Variants in SMAD2 observed in about 807,000 individuals in gnomAD.
SMAD2 encodes SMAD family member 2.
A neutral mutation model predicts 64.4 loss-of-function variants in SMAD2; 8 were observed. That is an observed-to-expected ratio of 0.12 (90% confidence interval 0.07 to 0.22). The LOEUF is 0.22. Among genes scored for constraint, SMAD2 ranks in the 10% least tolerant of loss-of-function variants. The pLI, the probability that SMAD2 is intolerant of heterozygous loss-of-function variation, is 1.00. For missense variants in SMAD2, 289 were observed against 561.2 expected, an observed-to-expected ratio of 0.51 and a Z score of 4.90; for synonymous variants, 203 against 195.8, an observed-to-expected ratio of 1.04 and a Z score of -0.31.
intron 2 of SMAD2, among the ~76,000 whole-genome samples, chr18:47,873,970 G>A (rs2032104558): frequency 1.3e-5 from 2 of 150,908 alleles, no homozygotes; most frequent in South Asian, 2.1e-4. Context: ...AAAGAAAGAG[G>A]CACAAGGGAA....
chr18:47,826,439 G>C lies in SMAD2; in HGVS notation c.*15388C>G, dbSNP rs1912759194. ...GCTTGTTTCTGGTGAATGCTAGTTA[G>C]CATGAAGCATGCAGACATGAAAGGG... is the stretch of plus-strand genomic sequence containing the variant. On this transcript the variant is annotated 3_prime_UTR_variant, in exon 11 of 11. Transcript: ENST00000262160. 6.6e-6 allele frequency: 1 copy of C among 152,216 alleles called. No individual in the cohort carries two copies. The highest frequency in any genetic ancestry group is 1.5e-5 in the Non-Finnish European group (1 of 68,044). The allele number at this position is 152,216 out of a possible 1,614,324, so 9.4% of individuals were successfully genotyped here.
At position 47,848,679 on chromosome 18, in the gene SMAD2, G is replaced by C. The variant is rs2144301071; in HGVS notation, c.793C>G (p.Pro265Ala). 1 of 1,608,786 alleles carries C rather than the reference G, an allele frequency of 6.2e-7. No homozygotes were observed. Among genetic ancestry groups the C allele is most frequent in the African/African-American group, 1.3e-5 (1 of 74,764 alleles). Residue 265 changes from proline to alanine, a missense_variant, in exon 8 of 11, where the codon CCA becomes GCA. By Grantham distance (27) the Pro-to-Ala change is conservative. Transcript: ENST00000262160. Reference protein sequence around the residue: ...SPVNHSLDLQPVTYSEPAFWC... With the variant: ...SPVNHSLDLQAVTYSEPAFWC... ...AATGCAGGTTCTGAGTAAGTAACTG[G>C]CTGTAAATCTGAAAAAGAAAAAAAT... is the stretch of plus-strand genomic sequence containing the variant.
chr18:47,882,302 C>A (rs893742565), intron 2 of SMAD2: 6 of 152,272 alleles, frequency 3.9e-5, no homozygotes, highest in African/African-American at 1.5e-4. Context: ...CTCGAGTGAT[C>A]CTCCTGCCTC....
At chr18:47,877,224 A>G (rs2032318267) in intron 2 of SMAD2, among the ~76,000 whole-genome samples, 1 of 151,718 alleles carries the variant, frequency 6.6e-6, no homozygotes, top group Admixed American at 6.6e-5. Context: ...TGGTAAGATT[A>G]AAAGCATGCT....
chr18:47,888,934 A>C (rs960810302), intron 2 of SMAD2, among the ~76,000 whole-genome samples: 1 of 152,176 alleles, frequency 6.6e-6, no homozygotes, highest in Non-Finnish European at 1.5e-5. Context: ...GGAAATAGAC[A>C]AAATGGAGAA....
At chr18:47,851,546 C>T (rs2030081574) in intron 6 of SMAD2, among the ~76,000 whole-genome samples, 1 of 152,046 alleles carries the variant, frequency 6.6e-6, no homozygotes, top group African/African-American at 2.4e-5. Flanking sequence ...ACAGTTTTGG[C>T]TTCTAGCCCA....
Position 47,832,498 on chromosome 18 carries a change from CTTTT to C in SMAD2, c.*9325_*9328del, listed in dbSNP as rs1913035630. 6.6e-6 allele frequency: 1 copy of C among 152,132 alleles called. No homozygotes were observed. Among genetic ancestry groups the C allele is most frequent in the African/African-American group, 2.4e-5 (1 of 41,422 alleles). 9.4% of individuals were successfully genotyped at this position (152,132 alleles called of 1,614,324 possible). A position where few individuals can be genotyped will look rare whatever the true frequency, so the allele number is the denominator to read the frequency against. The stretch of plus-strand genomic sequence containing the variant: ...TAGTGTATTTTAGCATTTGAGGTCC[CTTTT>C]TGTTGCATACTAAAGCATGTTTAAA... On this transcript the variant is annotated 3_prime_UTR_variant, in exon 11 of 11. Coordinates refer to ENST00000262160, the MANE Select transcript of SMAD2 (RefSeq NM_005901.6).
chr18:47,816,924 T>C lies in SMAD2; in HGVS notation c.*24903A>G, dbSNP rs893182878. On this transcript the variant is annotated 3_prime_UTR_variant, in exon 11 of 11. Transcript: ENST00000262160. ...TCATAGGCACCCACCAATACACCCA[T>C]CTAATTTTTTGTATTTTTAGTAGAG... 6.6e-6 allele frequency: 1 copy of C among 151,956 alleles called. No individual in the cohort carries two copies. The highest frequency in any genetic ancestry group is 1.5e-5 in the Non-Finnish European group (1 of 67,988). 9.4% of individuals were successfully genotyped at this position (151,956 alleles called of 1,614,324 possible).
In SMAD2 at chr18:47,822,844, T is replaced by G. The variant is rs912112039; in HGVS notation, c.*18983A>C. The G allele has an allele frequency of 1.3e-5, 2 of 152,162 alleles. No homozygotes were observed. The highest frequency in any genetic ancestry group is 2.9e-5 in the Non-Finnish European group (2 of 68,046). 9.4% of individuals were successfully genotyped at this position (152,162 alleles called of 1,614,324 possible). The stretch of plus-strand genomic sequence containing the variant: ...GGCATGCACCACCACACCCAGCTAA[T>G]TTTTGTATTTTTTAGTAGAGACGGT... On this transcript the variant is annotated 3_prime_UTR_variant, in exon 11 of 11. Coordinates refer to ENST00000262160, the MANE Select transcript of SMAD2 (RefSeq NM_005901.6).
At chr18:47,880,786 CAACT>C (rs1367140953) in intron 2 of SMAD2, among the ~76,000 whole-genome samples, 1 of 152,186 alleles carries the variant, frequency 6.6e-6, no homozygotes, top group African/African-American at 2.4e-5. Context: ...TTTCACCAGA[CAACT>C]AACCTGGTTG....
chr18:47,911,078 G>A (rs951500666), intron 1 of SMAD2, among the ~76,000 whole-genome samples: 4 of 152,128 alleles, frequency 2.6e-5, no homozygotes, highest in African/African-American at 9.7e-5. Flanking sequence ...ACTGCCAGGC[G>A]TGGTGGCTCA....
intron 1 of SMAD2, among the ~76,000 whole-genome samples, chr18:47,913,398 C>T (rs1287269423): frequency 6.6e-6 from 1 of 152,206 alleles, no homozygotes; most frequent in Non-Finnish European, 1.5e-5. Flanking sequence ...CACATGATTT[C>T]AGTGTCCCAT....
At chr18:47,927,836 T>C (rs1598911576) in intron 1 of SMAD2, among the ~76,000 whole-genome samples, 2 of 152,066 alleles carry the variant, frequency 1.3e-5, no homozygotes, top group South Asian at 2.1e-4. Flanking sequence ...GAGGCGGAGG[T>C]TGCGGTGAGC....
rs1204999948 is a variant in SMAD2, at chr18:47,850,728, T to G, written c.784+546A>C. Among the ~76,000 whole-genome samples the G allele has an allele frequency of 1.1e-4, 3 of 27,688 alleles. 1 individual carries two copies. Among genetic ancestry groups the G allele is most frequent in the Non-Finnish European group, 1.8e-4 (3 of 17,072 alleles). 18.2% of individuals were successfully genotyped at this position (27,688 alleles called of 152,430 possible). A position where few individuals can be genotyped will look rare whatever the true frequency, so the allele number is the denominator to read the frequency against. On this transcript the variant is annotated intron_variant, in intron 7 of 10. Coordinates refer to ENST00000262160, the MANE Select transcript of SMAD2 (RefSeq NM_005901.6). ...ATATACTATATATATATTATATATATTATGTATAATATATATTATATATTA... is the reference window on the plus strand; with the variant it reads ...ATATACTATATATATATTATATATAGTATGTATAATATATATTATATATTA...
In SMAD2 at chr18:47,853,264, C is replaced by T; in HGVS notation, c.731-1937G>A. ...AGAATGGCCGTAGTATACCCCTGGT[C>T]GTGTAGCAGTGAAAGTGGTTTGGTT... On this transcript the variant is annotated intron_variant, in intron 6 of 10. Coordinates refer to ENST00000262160, the MANE Select transcript of SMAD2 (RefSeq NM_005901.6). 1.4e-5 allele frequency: 2 copies of T among 139,888 alleles called. 1 individual carries two copies. Among genetic ancestry groups the T allele is most frequent in the Non-Finnish European group, 2.2e-5 (2 of 91,900 alleles). 8.7% of individuals were successfully genotyped at this position (139,888 alleles called of 1,614,324 possible). A position where few individuals can be genotyped will look rare whatever the true frequency, so the allele number is the denominator to read the frequency against.
chr18:47,903,597 T>C (rs1446780089), intron 1 of SMAD2, among the ~76,000 whole-genome samples: 2 of 152,038 alleles, frequency 1.3e-5, no homozygotes, highest in African/African-American at 2.4e-5. Context: ...AATTACAAGA[T>C]ACAGGGAGTA....
rs1230356539 is a variant in SMAD2, at chr18:47,818,967, T to TTGTGTA, written c.*22854_*22859dup. 1 of 152,246 alleles carries TTGTGTA rather than the reference T, an allele frequency of 6.6e-6. No homozygotes were observed. The highest frequency in any genetic ancestry group is 2.4e-5 in the African/African-American group (1 of 41,466). The allele number at this position is 152,246 out of a possible 1,614,324, so 9.4% of individuals were successfully genotyped here. Reference sequence around the variant, plus strand: ...TAAAATTCTAAAATGAAAGCTATGTTTGTGTATGTGTATGTTTAGGTGTGT... The same window carrying TTGTGTA: ...TAAAATTCTAAAATGAAAGCTATGTTTGTGTATGTGTATGTGTATGTTTAGGTGTGT... On this transcript the variant is annotated 3_prime_UTR_variant, in exon 11 of 11. Transcript: ENST00000262160.
chr18:47,869,673 T>C (rs967310807), intron 3 of SMAD2, among the ~76,000 whole-genome samples: 1 of 152,116 alleles, frequency 6.6e-6, no homozygotes, highest in African/African-American at 2.4e-5. Context: ...CAAATGCCAA[T>C]GAAAGGCTAA....
chr18:47,849,520 G>A (rs1016693370), intron 7 of SMAD2, among the ~76,000 whole-genome samples: 1 of 150,822 alleles, frequency 6.6e-6, no homozygotes, highest in Non-Finnish European at 1.5e-5. Context: ...GTCATCCCTT[G>A]GCATTTACAG....
Sources: allele counts gnomAD v4.1 joint callset (sites outside exome capture counted in the v4.1 genomes callset), GRCh38; gene constraint gnomAD v4.1.1; transcripts MANE v1.5; gene names NCBI Gene and HGNC (gene_info 2026-07-23, HGNC 2026-07-21).